Variants in RECQL5 observed in about 807,000 individuals in gnomAD.
The protein encoded by RECQL5 is ATP-dependent DNA helicase Q5.
In RECQL5, 88 loss-of-function variants were observed where a neutral mutation model predicts 103.4. That is an observed-to-expected ratio of 0.85 (90% CI 0.72 to 1.02). The LOEUF is 1.02. RECQL5 is among the 50% of genes least tolerant of loss of function. The probability of loss-of-function intolerance (pLI) is 0.00; values close to 1 mark genes in which losing one functional copy is unlikely to be tolerated. For synonymous variants in RECQL5, 552 were observed against 507.9 expected (o/e 1.09, Z -1.17); for missense variants, 1,232 against 1,284.3 (o/e 0.96, Z 0.62).
At chr17:75,628,822 A>G in intron 16 of RECQL5, 60 bp from the exon 17 acceptor site, 1 of 1,601,490 alleles carries the variant, frequency 6.2e-7, no homozygotes, top group Non-Finnish European at 8.5e-7. Context: ...TCATCCCAGG[A>G]GGCCTAGGAG....
In RECQL5 at chr17:75,640,857, G is replaced by A. The variant is rs990425609; in HGVS notation, c.1230-9189C>T. ...TGCACTCACTGCTGCTGCCCTGAGC[G>A]GAGAGGCAGGAAGGTCCAGGTGCAG... On this transcript the variant is annotated intron_variant, in intron 8 of 19. Coordinates refer to ENST00000317905, the MANE Select transcript of RECQL5 (RefSeq NM_004259.7). The surrounding 1 kb of genome is among the most constrained non-coding windows in gnomAD (Gnocchi z 4.6). 26 of 1,548,358 alleles carry A rather than the reference G, an allele frequency of 1.7e-5. No individual in the cohort carries two copies. Among genetic ancestry groups the A allele is most frequent in the South Asian group, 9.5e-5 (8 of 84,064 alleles).
At position 75,640,979 on chromosome 17, in the gene RECQL5, T is replaced by C. The variant is rs1038964056; in HGVS notation, c.1230-9311A>G. On this transcript the variant is annotated intron_variant, in intron 8 of 19. Transcript: ENST00000317905. This position sits in a 1 kb window ranked among gnomAD's most constrained non-coding sequence, Gnocchi z 4.6. ...GGCCATCAGCCTGGCCCTGCAGCCC[T>C]TACCCCTCAAGACCAGGCTCCCCTG... 5.3e-6 allele frequency: 8 copies of C among 1,509,286 alleles called. No individual in the cohort carries two copies. The African/African-American group carries it at 6.9e-5, about 13-fold the overall frequency. The allele number at this position is 1,509,286 out of a possible 1,614,324, so 93.5% of individuals were successfully genotyped here. A position where few individuals can be genotyped will look rare whatever the true frequency, so the allele number is the denominator to read the frequency against.
chr17:75,628,185 T>A, intron 18 of RECQL5, 33 bp downstream of exon 18: 3 of 1,515,602 alleles, frequency 2.0e-6, no homozygotes, highest in Non-Finnish European at 2.7e-6. Flanking sequence ...ACCCCAGGCA[T>A]GGGAGAAGGC....
At position 75,667,086 on chromosome 17, in the gene RECQL5, T is replaced by C; in HGVS notation, c.-57A>G. 1 of 401,018 alleles carries C rather than the reference T, an allele frequency of 2.5e-6. No individual in the cohort carries two copies. 24.8% of individuals were successfully genotyped at this position (401,018 alleles called of 1,614,324 possible). A position where few individuals can be genotyped will look rare whatever the true frequency, so the allele number is the denominator to read the frequency against. On this transcript the variant is annotated 5_prime_UTR_variant, in exon 1 of 20. Transcript: ENST00000317905. ...CGCCCAAGAATTAAAGGCTGCTGGC[T>C]GGTTCCGGAACTGTTCGAAGACCCC...
intron 8 of RECQL5, among the ~76,000 whole-genome samples, chr17:75,634,782 C>G (rs1228790917): frequency 6.6e-6 from 1 of 152,254 alleles, no homozygotes; most frequent in South Asian, 2.1e-4. Context: ...CTAGATCTCC[C>G]TCTGGTGATG....
intron 13 of RECQL5, 141 bp downstream of exon 13, chr17:75,630,478 G>T: frequency 2.0e-6 from 2 of 998,514 alleles, no homozygotes; most frequent in Non-Finnish European, 3.0e-6. Context: ...CCCTGGTGGG[G>T]TTGTAGGGGC....
At chr17:75,647,315 T>C in intron 8 of RECQL5, 1 of 1,453,676 alleles carries the variant, frequency 6.9e-7, no homozygotes, top group Non-Finnish European at 9.3e-7. Flanking sequence ...GCATAGCACC[T>C]GGGACAGGGC....
chr17:75,642,875 T>C (rs1400358320), intron 8 of RECQL5, among the ~76,000 whole-genome samples: 1 of 152,246 alleles, frequency 6.6e-6, no homozygotes, highest in Non-Finnish European at 1.5e-5. Flanking sequence ...GAGTCCAGCC[T>C]ATCTGGCTCC....
chr17:75,643,367 C>T (rs1039432260), intron 8 of RECQL5, among the ~76,000 whole-genome samples: 1 of 152,252 alleles, frequency 6.6e-6, no homozygotes. Flanking sequence ...GCCCTGGGCA[C>T]AGACAGGCCG....
At chr17:75,630,306 T>C in intron 13 of RECQL5, 29 bp from the exon 14 acceptor site, 2 of 1,523,522 alleles carry the variant, frequency 1.3e-6, no homozygotes, top group Non-Finnish European at 1.8e-6. Flanking sequence ...AGGCACAAGG[T>C]ATCAGGTGGG....
At chr17:75,638,042 T>C (rs2059360104) in intron 8 of RECQL5, 1 of 152,042 alleles carries the variant, frequency 6.6e-6, no homozygotes, top group Non-Finnish European at 1.5e-5. Context: ...AAAACTGAGA[T>C]CCTCACCTCC....
rs779403653 is a variant in RECQL5 at position 75,658,355 on chromosome 17, G to A, written c.1092C>T (p.Ser364=). 6.2e-7 allele frequency: 1 copy of A among 1,613,956 alleles called. No individual in the cohort carries two copies. The highest frequency in any genetic ancestry group is 1.1e-5 in the South Asian group (1 of 91,086). Residue 364 remains serine, a synonymous_variant, in exon 7 of 20, where the codon TCC becomes TCT. Transcript: ENST00000317905. ...GKPSWCRLYY[S]RNDRDQVSFL... ...AGCTGACTTGGTCCCGGTCATTCCT[G>A]GAGTAATAGAGACGGCACCAGGAAG...
At position 75,660,822 on chromosome 17, in the gene RECQL5, G is replaced by A. The variant is rs947406839; in HGVS notation, c.986+133C>T. On this transcript the variant is annotated intron_variant, in intron 6 of 19. Coordinates refer to ENST00000317905, the MANE Select transcript of RECQL5 (RefSeq NM_004259.7). ...GTCAGCATTCAGGCTGTATTCTAAG[G>A]ACTCTCTCCTGGAGCTTCCTTCCCC... 38 of 711,248 alleles carry A rather than the reference G, an allele frequency of 5.3e-5. No individual in the cohort carries two copies. The African/African-American group carries it at 5.8e-4, about 11-fold the overall frequency. The allele number at this position is 711,248 out of a possible 1,614,324, so 44.1% of individuals were successfully genotyped here.
chr17:75,634,137 G>GAGGACAGC, intron 8 of RECQL5: 3 of 985,528 alleles, frequency 3.0e-6, no homozygotes, highest in Non-Finnish European at 3.6e-6. Flanking sequence ...AAGGAAGTAC[G>GAGGACAGC]AGGACAGCAC....
intron 7 of RECQL5, among the ~76,000 whole-genome samples, 179 bp downstream of exon 7, chr17:75,658,119 C>G (rs746672960): frequency 6.6e-6 from 1 of 152,112 alleles, no homozygotes; most frequent in Non-Finnish European, 1.5e-5. Context: ...AAGAAAAAGT[C>G]TAACCTAGCT....
intron 8 of RECQL5, 172 bp downstream of exon 8, chr17:75,651,014 A>G: frequency 6.6e-7 from 1 of 1,521,890 alleles, no homozygotes; most frequent in Non-Finnish European, 8.7e-7. Flanking sequence ...CGGGGCCTCC[A>G]ATAGAGAAGA....
chr17:75,637,638 G>T (rs1238497859), intron 8 of RECQL5: 1 of 152,440 alleles, frequency 6.6e-6, no homozygotes, highest in Middle Eastern at 3.4e-3. Flanking sequence ...AAGGACTCCA[G>T]GTAGTCTCAA....
In RECQL5 at chr17:75,650,985, C is replaced by T; in HGVS notation, c.1229+201G>A. On this transcript the variant is annotated intron_variant, in intron 8 of 19. Coordinates refer to ENST00000317905, the MANE Select transcript of RECQL5 (RefSeq NM_004259.7). ...CACCACTCAGAATACTGAGCAAATC[C>T]CCACACTGCGAGAGATCCCGGGGCC... The T allele has an allele frequency of 2.0e-6, 3 of 1,499,538 alleles. No individual in the cohort carries two copies. In the South Asian group the frequency reaches 4.0e-5, roughly 20 times the overall value. 92.9% of individuals were successfully genotyped at this position (1,499,538 alleles called of 1,614,324 possible). A position where few individuals can be genotyped will look rare whatever the true frequency, so the allele number is the denominator to read the frequency against.
In RECQL5 at chr17:75,662,475, T is replaced by C; in HGVS notation, c.771+4A>G. 2 of 1,611,860 alleles carry C rather than the reference T, an allele frequency of 1.2e-6. 1 individual carries two copies. Among genetic ancestry groups the C allele is most frequent in the South Asian group, 2.2e-5 (2 of 90,804 alleles). On this transcript the variant is annotated splice_donor_region_variant and intron_variant, in intron 4 of 19. Transcript: ENST00000317905. ...GCTGCTTGGCCTCCACCTCAATGCCTCACCCCTTTATCAGCCTCCTGTCCA... is the reference window on the plus strand; with the variant it reads ...GCTGCTTGGCCTCCACCTCAATGCCCCACCCCTTTATCAGCCTCCTGTCCA...
Sources: gnomAD v4.1 joint callset for allele counts (sites outside exome capture counted in the v4.1 genomes callset) on GRCh38, gnomAD v4.1.1 for gene constraint, Gnocchi (gnomAD v3.1) non-coding constraint, MANE v1.5 for transcripts, NCBI Gene and HGNC (gene_info 2026-07-23, HGNC 2026-07-21) for gene names.